MXRA8: variants seen among roughly 807,000 people sequenced by gnomAD.
The protein encoded by MXRA8 is matrix remodeling-associated protein 8.
In MXRA8, 44 loss-of-function variants were observed where a neutral mutation model predicts 51.4. The ratio of observed to expected loss-of-function variants is 0.86; its 90% CI spans 0.67 to 1.10. The LOEUF (loss-of-function observed/expected upper bound fraction) is 1.10, where lower values mean the gene tolerates loss of function less well. Among genes scored for constraint, MXRA8 ranks in the 50% least tolerant of loss-of-function variants. The pLI is 0.00. For missense variants in MXRA8, 765 were observed against 638.9 expected (o/e 1.20, Z -2.13); for synonymous variants, 369 against 293.5 (o/e 1.26, Z -2.63).
At chr1:1,362,780 CAA>C (rs70949575), upstream of MXRA8, among the ~76,000 whole-genome samples, 4 of 141,164 alleles carry the variant, frequency 2.8e-5, no homozygotes, top group African/African-American at 8.2e-5. Flanking sequence ...GACTCCATCT[CAA>C]AAAAAAAAAA....
upstream of MXRA8, among the ~76,000 whole-genome samples, chr1:1,361,049 GAC>G (rs200427223): frequency 2.4e-3 from 357 of 151,488 alleles, 1 homozygote; most frequent in South Asian, 1.7e-3. Context: ...AAGACACGGA[GAC>G]ACAGATACAT....
rs1289493374 is a variant in MXRA8, at chr1:1,354,382, G to A, written c.1077C>T (p.Val359=). 1.2e-6 allele frequency: 2 copies of A among 1,612,156 alleles called. No individual in the cohort carries two copies. Among genetic ancestry groups the A allele is most frequent in the Non-Finnish European group, 1.7e-6 (2 of 1,179,774 alleles). ...LLLFILLLVT[V]LLAARRRRGG... is the part of the protein sequence containing the mutation. ...CGCGGCGCCTGCGGGCGGCCAGGAGGACAGTGACCAGTAGCAGGATGAAGA... is the reference window on the plus strand; with the variant it reads ...CGCGGCGCCTGCGGGCGGCCAGGAGAACAGTGACCAGTAGCAGGATGAAGA... The change falls in exon 6 of 10, where the codon GTC becomes GTT. Residue 359 remains valine, a synonymous_variant. Coordinates refer to ENST00000309212, the MANE Select transcript of MXRA8 (RefSeq NM_032348.4).
chr1:1,358,428 C>G (rs747235741), intron 1 of MXRA8, 28 bp downstream of exon 1: 2 of 1,595,604 alleles, frequency 1.3e-6, no homozygotes, highest in Non-Finnish European at 1.7e-6. Context: ...TGCCACCCCC[C>G]ACCCGCCTCC....
rs1016708398 is a variant in MXRA8, at chr1:1,353,058, A to T, written c.*546T>A. 1 of 599,962 alleles carries T rather than the reference A, an allele frequency of 1.7e-6. No homozygotes were observed. The highest frequency in any genetic ancestry group is 1.9e-5 in the African/African-American group (1 of 53,270). 37.2% of individuals were successfully genotyped at this position (599,962 alleles called of 1,614,324 possible). On this transcript the variant is annotated 3_prime_UTR_variant, in exon 10 of 10. Coordinates refer to ENST00000309212, the MANE Select transcript of MXRA8 (RefSeq NM_032348.4). ...CCTGGGGAGAACAGATGGTGCCTGGAGTCCCACATGGTGGTACAGGTGGGG... is the reference window on the plus strand; with the variant it reads ...CCTGGGGAGAACAGATGGTGCCTGGTGTCCCACATGGTGGTACAGGTGGGG...
chr1:1,354,942 T>G lies in MXRA8; in HGVS notation c.689A>C (p.Glu230Ala). The change falls in exon 5 of 10, where the codon GAG becomes GCG. Residue 230 changes from glutamate to alanine, a missense_variant. Transcript: ENST00000309212. Reference protein sequence around the residue: ...DRLLDLYASGERRAYGPLFLR... With the variant: ...DRLLDLYASGARRAYGPLFLR... Reference sequence around the variant, plus strand: ...AAAAAGGGGCCCGTAGGCGCGGCGCTCGCCCGACGCGTAGAGGTCCAGCAG... The same window carrying G: ...AAAAAGGGGCCCGTAGGCGCGGCGCGCGCCCGACGCGTAGAGGTCCAGCAG... The G allele has an allele frequency of 6.2e-7, 1 of 1,601,866 alleles. No individual in the cohort carries two copies. Among genetic ancestry groups the G allele is most frequent in the Non-Finnish European group, 8.5e-7 (1 of 1,175,270 alleles).
upstream of MXRA8, chr1:1,359,428 T>C: frequency 1.0e-6 from 1 of 985,424 alleles, no homozygotes; most frequent in African/African-American, 1.7e-5. Flanking sequence ...ACCCAACTCC[T>C]TCTAATCAAG....
upstream of MXRA8, chr1:1,358,657 C>CG (rs1644180588): frequency 7.1e-7 from 1 of 1,408,716 alleles, no homozygotes; most frequent in Admixed American, 3.2e-5. Flanking sequence ...TGGCTCCTGC[C>CG]GGGCCCCTTG....
At chr1:1,358,045 C>T (rs1644166380) in intron 1 of MXRA8, among the ~76,000 whole-genome samples, 1 of 152,188 alleles carries the variant, frequency 6.6e-6, no homozygotes, top group African/African-American at 2.4e-5. Context: ...AGCCTGGGAG[C>T]TTCCCAGAGG....
upstream of MXRA8, chr1:1,359,001 C>T (rs1368069628): frequency 5.1e-6 from 5 of 985,364 alleles, no homozygotes; most frequent in South Asian, 4.7e-5. Context: ...CCACGGTGCA[C>T]GCTGGTGCTC....
At chr1:1,359,699 G>A (rs1184488429), upstream of MXRA8, among the ~76,000 whole-genome samples, 1 of 151,122 alleles carries the variant, frequency 6.6e-6, no homozygotes, top group African/African-American at 2.5e-5. Context: ...ACACGGACCG[G>A]CGTAAGGACA....
In MXRA8 at chr1:1,355,014, T is replaced by C. The variant is rs1644092288; in HGVS notation, c.617A>G (p.His206Arg). The change falls in exon 5 of 10, where the codon CAC (histidine) becomes CGC (arginine). Residue 206 changes from histidine (H) to arginine (R), a missense_variant. Physicochemically the swap from His to Arg is conservative, Grantham distance 29. Coordinates refer to ENST00000309212, the MANE Select transcript of MXRA8 (RefSeq NM_032348.4). ...GACCCCGGGCGGCTGCCGGTCCCAGTGCACCACCTGTTGAGCCTCCTCCAC... is the reference window on the plus strand; with the variant it reads ...GACCCCGGGCGGCTGCCGGTCCCAGCGCACCACCTGTTGAGCCTCCTCCAC... The part of the protein sequence containing the change: ...RHVEEAQQVV[H>R]WDRQPPGVPH... 1 of 1,606,438 alleles carries C rather than the reference T, an allele frequency of 6.2e-7. No individual in the cohort carries two copies. The highest frequency in any genetic ancestry group is 8.5e-7 in the Non-Finnish European group (1 of 1,177,718).
chr1:1,353,761 C>A, intron 9 of MXRA8, 87 bp downstream of exon 9: 1 of 1,475,534 alleles, frequency 6.8e-7, no homozygotes, highest in Non-Finnish European at 9.1e-7. Flanking sequence ...CCGGGCCTGG[C>A]TGGTGCCTGC....
upstream of MXRA8, among the ~76,000 whole-genome samples, chr1:1,362,187 C>G (rs1166445326): frequency 6.6e-6 from 1 of 152,106 alleles, no homozygotes; most frequent in Non-Finnish European, 1.5e-5. Context: ...GATCGGTTGT[C>G]GGAAGGCCCG....
upstream of MXRA8, among the ~76,000 whole-genome samples, chr1:1,363,438 C>CTTTT (rs71490532): frequency 6.9e-6 from 1 of 144,428 alleles, no homozygotes; most frequent in African/African-American, 2.6e-5. Flanking sequence ...TCAGTTTTTT[C>CTTTT]TTTTTTTTTT....
intron 4 of MXRA8, 33 bp downstream of exon 4, chr1:1,355,211 G>A: frequency 6.7e-7 from 1 of 1,493,308 alleles, no homozygotes. Flanking sequence ...GGGTCGAGGG[G>A]CGGGAGCTGG....
chr1:1,362,689 G>C (rs765905818), upstream of MXRA8, among the ~76,000 whole-genome samples: 4 of 149,950 alleles, frequency 2.7e-5, no homozygotes, highest in African/African-American at 4.9e-5. Context: ...GCTGAGGCAA[G>C]AGAATTACTT....
At chr1:1,360,124 G>A (rs563894752), upstream of MXRA8, among the ~76,000 whole-genome samples, 1 of 152,226 alleles carries the variant, frequency 6.6e-6, no homozygotes, top group Admixed American at 6.5e-5. Context: ...TGAGAGGGGC[G>A]CCTGGTCCGC....
intron 2 of MXRA8, among the ~76,000 whole-genome samples, chr1:1,356,155 G>A (rs1370231612): frequency 2.0e-5 from 2 of 101,746 alleles, no homozygotes; most frequent in Non-Finnish European, 4.1e-5. Context: ...TGGGGGAGGG[G>A]CATGCCCCCT....
At chr1:1,361,484 A>G, upstream of MXRA8, 2 of 583,778 alleles carry the variant, frequency 3.4e-6, no homozygotes, top group South Asian at 2.0e-5. Flanking sequence ...GACCCAAGGA[A>G]GCAACCTCTG....
Sources: gnomAD v4.1 joint callset for allele counts (sites outside exome capture counted in the v4.1 genomes callset) on GRCh38, gnomAD v4.1.1 for gene constraint, MANE v1.5 for transcripts, NCBI Gene and HGNC (gene_info 2026-07-23, HGNC 2026-07-21) for gene names.